RTN1: variants seen among roughly 807,000 people sequenced by gnomAD.
RTN1 encodes the protein reticulon 1, also known as reticulon-1.
RTN1 carries 25 observed loss-of-function variants against 65.5 expected under a neutral mutation model. The ratio of observed to expected loss-of-function variants is 0.38; its 90% CI spans 0.28 to 0.53. The LOEUF is 0.53. Among genes scored for constraint, RTN1 ranks in the 20% least tolerant of loss-of-function variants. The probability of loss-of-function intolerance (pLI) is 0.79; values close to 1 mark genes in which losing one functional copy is unlikely to be tolerated. For synonymous variants in RTN1, 471 were observed against 447.6 expected (o/e 1.05, Z -0.66); for missense variants, 983 against 1,025.4 (o/e 0.96, Z 0.57).
chr14:59,837,130 C>T (rs1005071979), intron 1 of RTN1, among the ~76,000 whole-genome samples: 2 of 151,652 alleles, frequency 1.3e-5, no homozygotes, highest in Admixed American at 6.6e-5. Flanking sequence ...TAGTACTAAA[C>T]AGATCAATGT....
At chr14:59,708,119 C>G (rs1159754418) in intron 3 of RTN1, among the ~76,000 whole-genome samples, 1 of 152,198 alleles carries the variant, frequency 6.6e-6, no homozygotes, top group Non-Finnish European at 1.5e-5. Context: ...TTAAAAACAA[C>G]TCCAAGCATT....
intron 1 of RTN1, among the ~76,000 whole-genome samples, chr14:59,786,164 G>C (rs1313303552): frequency 3.3e-5 from 5 of 152,232 alleles, no homozygotes; most frequent in Admixed American, 3.3e-4. Flanking sequence ...CACCTTGCTA[G>C]ACATTACTAA....
At chr14:59,630,672 C>A in intron 3 of RTN1, 1 of 1,195,310 alleles carries the variant, frequency 8.4e-7, no homozygotes, top group Non-Finnish European at 1.0e-6. Flanking sequence ...GTCGCTGGCG[C>A]CGCAGTCTGC....
Position 59,746,089 on chromosome 14 carries a change from G to C in RTN1, c.634C>G (p.His212Asp). The C allele has an allele frequency of 6.2e-7, 1 of 1,613,952 alleles. No individual in the cohort carries two copies. The highest frequency in any genetic ancestry group is 8.5e-7 in the Non-Finnish European group (1 of 1,179,982). ...PEEVKHQEQH[H>D]PELEDKDLDF... ...AAGTCTTTATCTTCCAGCTCGGGGT[G>C]ATGTTGTTCTTGGTGCTTCACCTCC... Residue 212 changes from histidine (H) to aspartate (D), a missense_variant, in exon 2 of 9, where the codon CAC becomes GAC. Coordinates refer to ENST00000267484, the MANE Select transcript of RTN1 (RefSeq NM_021136.3).
intron 1 of RTN1, among the ~76,000 whole-genome samples, chr14:59,817,286 A>C (rs1886838683): frequency 6.6e-6 from 1 of 152,154 alleles, no homozygotes; most frequent in African/African-American, 2.4e-5. Context: ...AAAATAAAGG[A>C]TGCCATGAGC....
chr14:59,759,339 T>G (rs1188988576), intron 1 of RTN1, among the ~76,000 whole-genome samples: 1 of 152,186 alleles, frequency 6.6e-6, no homozygotes, highest in Non-Finnish European at 1.5e-5. Flanking sequence ...ATGCATGGCT[T>G]GGAATACCGA....
At position 59,644,529 on chromosome 14, in the gene RTN1, C is replaced by T. The variant is rs896846946; in HGVS notation, c.1766-37037G>A. Among the ~76,000 whole-genome samples, 14 of 152,240 alleles carry T rather than the reference C, an allele frequency of 9.2e-5. No homozygotes were observed. The South Asian group carries it at 1.2e-3, about 14-fold the overall frequency. ...TGGAGCCCCGGGAGCTTTAGATACC[C>T]GGGCTTCCTGGCAAAAGCAGCTGTA... On this transcript the variant is annotated intron_variant, in intron 3 of 8. Transcript: ENST00000267484.
At chr14:59,624,685 C>T (rs1208900794) in intron 3 of RTN1, among the ~76,000 whole-genome samples, 2 of 152,130 alleles carry the variant, frequency 1.3e-5, no homozygotes, top group African/African-American at 4.8e-5. Flanking sequence ...TGGTCTCGAA[C>T]TCCTGACCTC....
chr14:59,818,413 C>T (rs1186689442), intron 1 of RTN1, among the ~76,000 whole-genome samples: 1 of 152,124 alleles, frequency 6.6e-6, no homozygotes, highest in Non-Finnish European at 1.5e-5. Flanking sequence ...CAGGGGACTC[C>T]TAGGAAATAA....
chr14:59,781,529 T>C (rs898454962), intron 1 of RTN1, among the ~76,000 whole-genome samples: 12 of 152,118 alleles, frequency 7.9e-5, no homozygotes, highest in African/African-American at 2.9e-4. Context: ...TTCTACTCAA[T>C]GTTACTCCAA....
chr14:59,758,820 C>G (rs147340490), intron 1 of RTN1, among the ~76,000 whole-genome samples: 195 of 152,208 alleles, frequency 1.3e-3, no homozygotes, highest in African/African-American at 4.5e-3. Context: ...CATTCAAGAG[C>G]CTTTGGAATA....
chr14:59,662,268 G>A lies in RTN1; in HGVS notation c.1766-54776C>T, dbSNP rs190141836. Among the ~76,000 whole-genome samples, 94 of 151,174 alleles carry A rather than the reference G, an allele frequency of 6.2e-4. 1 individual carries two copies. The highest frequency in any genetic ancestry group is 1.9e-3 in the African/African-American group (79 of 41,176). On this transcript the variant is annotated intron_variant, in intron 3 of 8. Transcript: ENST00000267484. Reference sequence around the variant, plus strand: ...GTTGGTGTGCTGCACCCATTAACTCGTCATTTACATTACGTATATCTCCTA... The same window carrying A: ...GTTGGTGTGCTGCACCCATTAACTCATCATTTACATTACGTATATCTCCTA...
chr14:59,692,581 C>T (rs1883983281), intron 3 of RTN1, among the ~76,000 whole-genome samples: 1 of 151,898 alleles, frequency 6.6e-6, no homozygotes, highest in African/African-American at 2.4e-5. Flanking sequence ...TCATATGGAA[C>T]CAAAAAGAGC....
chr14:59,694,007 T>G (rs1006642048), intron 3 of RTN1, among the ~76,000 whole-genome samples: 2 of 152,174 alleles, frequency 1.3e-5, no homozygotes, highest in East Asian at 3.9e-4. Context: ...GTTTTTTAGT[T>G]CCCTTCACCT....
At chr14:59,682,328 T>C (rs536888273) in intron 3 of RTN1, among the ~76,000 whole-genome samples, 4 of 152,194 alleles carry the variant, frequency 2.6e-5, no homozygotes, top group Non-Finnish European at 5.9e-5. Flanking sequence ...CATGATTATT[T>C]TATTTATTTG....
At chr14:59,619,967 A>C (rs1479295644) in intron 3 of RTN1, among the ~76,000 whole-genome samples, 2 of 152,148 alleles carry the variant, frequency 1.3e-5, no homozygotes, top group African/African-American at 4.8e-5. Flanking sequence ...AGTTCAAAGT[A>C]ATAAAGAAGA....
Position 59,642,447 on chromosome 14 carries a change from A to G in RTN1, c.1766-34955T>C, listed in dbSNP as rs188054407. Among the ~76,000 whole-genome samples, 14 of 152,162 alleles carry G rather than the reference A, an allele frequency of 9.2e-5. No homozygotes were observed. The East Asian group carries it at 2.3e-3, about 25-fold the overall frequency. ...TCCTCTTCTATGAAAGCAATTTTTC[A>G]TATGCTAGACCTTCTGAAAATGTTT... is the stretch of plus-strand genomic sequence containing the variant. On this transcript the variant is annotated intron_variant, in intron 3 of 8. Transcript: ENST00000267484.
At chr14:59,747,072 T>C (rs369183454) in intron 1 of RTN1, among the ~76,000 whole-genome samples, 2 of 152,216 alleles carry the variant, frequency 1.3e-5, no homozygotes, top group African/African-American at 4.8e-5. Context: ...TCCAATGTCA[T>C]ATCACCCTAA....
chr14:59,598,006 T>C (rs1881457870), intron 8 of RTN1, among the ~76,000 whole-genome samples: 1 of 151,978 alleles, frequency 6.6e-6, no homozygotes, highest in Admixed American at 6.6e-5. Context: ...TGGGAAACCA[T>C]TGATGAATTT....
Sources: allele counts gnomAD v4.1 joint callset (sites outside exome capture counted in the v4.1 genomes callset), GRCh38; gene constraint gnomAD v4.1.1; transcripts MANE v1.5; gene names NCBI Gene and HGNC (gene_info 2026-07-23, HGNC 2026-07-21).